The following PVT1 variants were observed in gnomAD, a reference collection of about 807,000 sequenced individuals.
PVT1 encodes Pvt1 oncogene.
intron 3 of PVT1, among the ~76,000 whole-genome samples, chr8:127,949,379 C>CTGTGTGTGCG (rs71566654): frequency 3.6e-5 from 4 of 111,258 alleles, no homozygotes; most frequent in Non-Finnish European, 7.4e-5. Context: ...ACTCCAGGAG[C>CTGTGTGTGCG]TGTGTGTGTG....
chr8:127,973,069 A>G (rs1456723650), intron 3 of PVT1, among the ~76,000 whole-genome samples: 1 of 152,044 alleles, frequency 6.6e-6, no homozygotes, highest in East Asian at 1.9e-4. Context: ...GTTTTTATAT[A>G]TGTATATATT....
chr8:127,866,977 AT>A (rs1815292503), intron 2 of PVT1, among the ~76,000 whole-genome samples: 1 of 152,216 alleles, frequency 6.6e-6, no homozygotes, highest in Non-Finnish European at 1.5e-5. Context: ...GCATTCACTG[AT>A]TCACTGTAGA....
chr8:127,807,944 A>G (rs1410310306), intron 2 of PVT1, among the ~76,000 whole-genome samples: 1 of 151,158 alleles, frequency 6.6e-6, no homozygotes, highest in Non-Finnish European at 1.5e-5. Context: ...ATTGTTTTGT[A>G]TTTTTAGTAG....
intron 3 of PVT1, among the ~76,000 whole-genome samples, chr8:127,950,242 T>A (rs534801870): frequency 6.6e-6 from 1 of 152,364 alleles, no homozygotes; most frequent in Non-Finnish European, 1.5e-5. Context: ...GGTGCTACTG[T>A]GTGCCAAGTC....
At chr8:127,976,750 G>A (rs1168948834) in intron 3 of PVT1, among the ~76,000 whole-genome samples, 9 of 152,112 alleles carry the variant, frequency 5.9e-5, no homozygotes, top group South Asian at 2.1e-4. Context: ...GGAGGTGCTC[G>A]TTGCTCTGCC....
At chr8:127,920,826 A>G (rs933204237) in intron 3 of PVT1, among the ~76,000 whole-genome samples, 3 of 152,362 alleles carry the variant, frequency 2.0e-5, no homozygotes, top group Non-Finnish European at 2.9e-5. Context: ...CATAGTTTGT[A>G]TTCCATATGC....
intron 4 of PVT1, among the ~76,000 whole-genome samples, chr8:128,054,177 GA>G (rs753810445): frequency 9.9e-5 from 15 of 152,210 alleles, no homozygotes; most frequent in Non-Finnish European, 1.8e-4. Flanking sequence ...CAACAAATAG[GA>G]AGAGAAGAGC....
chr8:127,982,959 G>A (rs1043237354), intron 3 of PVT1, among the ~76,000 whole-genome samples: 2 of 152,198 alleles, frequency 1.3e-5, no homozygotes, highest in Admixed American at 1.3e-4. Flanking sequence ...GCACAGTGGT[G>A]GGGGCAGTGT....
chr8:127,822,410 C>G (rs185566665), intron 2 of PVT1, among the ~76,000 whole-genome samples: 1 of 152,268 alleles, frequency 6.6e-6, no homozygotes, highest in African/African-American at 2.4e-5. Flanking sequence ...AATCCCATAT[C>G]TACTAAAAAT....
chr8:127,904,225 T>C lies in PVT1; in HGVS notation n.782+13227T>C, dbSNP rs527840923. On this transcript the variant is annotated intron_variant and non_coding_transcript_variant, in intron 3 of 10. Transcript: ENST00000651587. Reference sequence around the variant, plus strand: ...TCCTTAAGGAGCTTACAACTTGTCTTTGGTATGCAGTAGGGGCATTTCACT... The same window carrying C: ...TCCTTAAGGAGCTTACAACTTGTCTCTGGTATGCAGTAGGGGCATTTCACT... Among the ~76,000 whole-genome samples, 9 of 152,334 alleles carry C rather than the reference T, an allele frequency of 5.9e-5. No individual in the cohort carries two copies. In the East Asian group the frequency reaches 1.7e-3, roughly 29 times the overall value.
chr8:127,881,220 G>T (rs1468481180), intron 2 of PVT1, among the ~76,000 whole-genome samples: 1 of 152,028 alleles, frequency 6.6e-6, no homozygotes, highest in East Asian at 1.9e-4. Context: ...TGACTCGTGG[G>T]AGTAACCACC....
chr8:127,922,713 G>C (rs1034889501), intron 3 of PVT1, among the ~76,000 whole-genome samples: 1 of 152,252 alleles, frequency 6.6e-6, no homozygotes, highest in African/African-American at 2.4e-5. Context: ...GAAGGCGGCA[G>C]GCTTAGGCGA....
At chr8:127,911,039 A>G (rs1372848009) in intron 3 of PVT1, among the ~76,000 whole-genome samples, 2 of 152,100 alleles carry the variant, frequency 1.3e-5, no homozygotes, top group African/African-American at 4.8e-5. Context: ...GGATGGGGCT[A>G]TGGGCTTTAA....
chr8:127,942,086 A>G (rs186978449), intron 3 of PVT1, among the ~76,000 whole-genome samples: 23 of 152,218 alleles, frequency 1.5e-4, no homozygotes, highest in Admixed American at 7.2e-4. Flanking sequence ...GTGTGATCCC[A>G]TGTCCCCAGC....
intron 4 of PVT1, among the ~76,000 whole-genome samples, chr8:128,068,691 A>G (rs1813943552): frequency 6.6e-6 from 1 of 152,064 alleles, no homozygotes; most frequent in Non-Finnish European, 1.5e-5. Context: ...AAACGGTTTC[A>G]CCATGTTAGC....
intron 5 of PVT1, among the ~76,000 whole-genome samples, chr8:128,095,966 TA>T (rs1308659586): frequency 6.6e-6 from 1 of 152,234 alleles, no homozygotes; most frequent in Admixed American, 6.5e-5. Context: ...CATTTCTTTG[TA>T]AAAAGAAACT....
At chr8:128,043,830 CTTTTTTTTTTT>C (rs1158046188) in intron 4 of PVT1, among the ~76,000 whole-genome samples, 1 of 116,294 alleles carries the variant, frequency 8.6e-6, no homozygotes, top group Non-Finnish European at 1.8e-5. Flanking sequence ...AACATCTTGT[CTTTTTTTTTTT>C]TTTTTTTTTA....
At chr8:127,987,470 C>T (rs765559338) in intron 3 of PVT1, among the ~76,000 whole-genome samples, 1 of 152,188 alleles carries the variant, frequency 6.6e-6, no homozygotes, top group Admixed American at 6.5e-5. Context: ...AGAGGGGAGG[C>T]CTTTTCATTT....
chr8:128,068,463 A>C (rs911652229), intron 4 of PVT1, among the ~76,000 whole-genome samples: 1 of 152,018 alleles, frequency 6.6e-6, no homozygotes, highest in African/African-American at 2.4e-5. Flanking sequence ...TACCTCCCCC[A>C]TCAGGTTGCC....
Sources: gnomAD v4.1 joint callset for allele counts (sites outside exome capture counted in the v4.1 genomes callset) on GRCh38, gnomAD v4.1.1 for gene constraint, MANE v1.5 for transcripts, NCBI Gene and HGNC (gene_info 2026-07-23, HGNC 2026-07-21) for gene names.